Variants in PTK2B observed in about 807,000 individuals in gnomAD.
The protein encoded by PTK2B is protein tyrosine kinase 2 beta.
Under a neutral mutation model 142.9 loss-of-function variants are expected in PTK2B, and 71 were observed. That is an observed-to-expected ratio of 0.50 (90% confidence interval 0.41 to 0.61). The LOEUF (loss-of-function observed/expected upper bound fraction) is 0.61, where lower values mean the gene tolerates loss of function less well. Ranked by LOEUF, PTK2B falls within the 20% of genes least tolerant of loss-of-function variation. PTK2B has a pLI of 0.00. For synonymous variants in PTK2B, 519 were observed against 503.4 expected (o/e 1.03, Z -0.42); for missense variants, 1,105 against 1,320.4 (o/e 0.84, Z 2.53).
intron 15 of PTK2B, among the ~76,000 whole-genome samples, chr8:27,436,630 G>A (rs1810795168): frequency 6.6e-6 from 1 of 152,156 alleles, no homozygotes; most frequent in South Asian, 2.1e-4. Context: ...AAAGGGGGAG[G>A]CGGGATAAAG....
At chr8:27,420,496 A>C (rs1408657732) in intron 3 of PTK2B, among the ~76,000 whole-genome samples, 161 bp from the exon 4 acceptor site, 1 of 152,154 alleles carries the variant, frequency 6.6e-6, no homozygotes, top group Non-Finnish European at 1.5e-5. Flanking sequence ...ACCGCAGAGG[A>C]GGGAAAGAGA....
intron 4 of PTK2B, 84 bp from the exon 5 acceptor site, chr8:27,422,220 G>C: frequency 2.3e-6 from 3 of 1,329,298 alleles, no homozygotes; most frequent in Non-Finnish European, 3.1e-6. Flanking sequence ...GAGGCAGAAT[G>C]AGGCCCTTAA....
At chr8:27,400,062 G>A (rs73223480) in intron 2 of PTK2B, among the ~76,000 whole-genome samples, 10 of 152,286 alleles carry the variant, frequency 6.6e-5, no homozygotes, top group Non-Finnish European at 1.2e-4. Context: ...AGTGCAAATT[G>A]TCTTCTTTTG....
At chr8:27,392,312 T>TC (rs1193858443) in intron 1 of PTK2B, among the ~76,000 whole-genome samples, 1 of 144,602 alleles carries the variant, frequency 6.9e-6, no homozygotes, top group Non-Finnish European at 1.5e-5. Flanking sequence ...AAAGCGAGCT[T>TC]TTTTTTTTTT....
intron 24 of PTK2B, among the ~76,000 whole-genome samples, chr8:27,446,466 G>GCTCTTTGTCAC (rs1811477348): frequency 6.6e-6 from 1 of 152,292 alleles, no homozygotes; most frequent in South Asian, 2.1e-4. Flanking sequence ...TCCCTTGTCA[G>GCTCTTTGTCAC]CTCTTTGTCA....
chr8:27,348,300 C>G (rs754693901), intron 1 of PTK2B, among the ~76,000 whole-genome samples: 1 of 152,202 alleles, frequency 6.6e-6, no homozygotes, highest in Non-Finnish European at 1.5e-5. Context: ...TGTTTCCAGC[C>G]GTGCGGGAGT....
chr8:27,360,815 C>T lies in PTK2B; in HGVS notation c.-38+35134C>T, dbSNP rs12676257. On this transcript the variant is annotated intron_variant, in intron 1 of 30. Transcript: ENST00000346049. Reference sequence around the variant, plus strand: ...AAAGCCAAAACTGCATTTCTCTCGCCCTCTGGGTCTAGATGTGGGGATTTC... The same window carrying T: ...AAAGCCAAAACTGCATTTCTCTCGCTCTCTGGGTCTAGATGTGGGGATTTC... Among the ~76,000 whole-genome samples, 698 of 152,266 alleles carry T rather than the reference C, an allele frequency of 4.6e-3. 8 individuals carry two copies. The highest frequency in any genetic ancestry group is 0.038 in the East Asian group (198 of 5,186).
intron 13 of PTK2B, 117 bp downstream of exon 13, chr8:27,434,676 C>G: frequency 8.6e-7 from 1 of 1,167,710 alleles, no homozygotes; most frequent in Middle Eastern, 1.9e-4. Context: ...AAATGATCCT[C>G]TCCCATAACT....
Position 27,334,239 on chromosome 8 carries a change from G to GC in PTK2B, c.-38+8559dup, listed in dbSNP as rs781569676. On this transcript the variant is annotated intron_variant, in intron 1 of 30. Coordinates refer to ENST00000346049, the MANE Select transcript of PTK2B (RefSeq NM_173176.3). ...CGTCCTATCTCTGGTTCCCTTGGAA[G>GC]CTCCCCAATGCCTGCAGGCAAATCC... is the stretch of plus-strand genomic sequence containing the variant. Among the ~76,000 whole-genome samples, 19 of 152,192 alleles carry GC rather than the reference G, an allele frequency of 1.2e-4. No homozygotes were observed. In the East Asian group the frequency reaches 3.1e-3, roughly 25 times the overall value.
At chr8:27,435,621 C>A in intron 13 of PTK2B, 122 bp from the exon 14 acceptor site, 1 of 1,219,044 alleles carries the variant, frequency 8.2e-7, no homozygotes, top group Non-Finnish European at 1.2e-6. Context: ...CGGGACATGC[C>A]TGGCTTCTCC....
At chr8:27,344,274 C>T (rs987139623) in intron 1 of PTK2B, among the ~76,000 whole-genome samples, 4 of 152,274 alleles carry the variant, frequency 2.6e-5, no homozygotes, top group East Asian at 1.9e-4. Flanking sequence ...TGGAGAAGGA[C>T]GAATATCTGG....
At chr8:27,435,588 C>G (rs532084515) in intron 13 of PTK2B, among the ~76,000 whole-genome samples, 155 bp from the exon 14 acceptor site, 1 of 152,328 alleles carries the variant, frequency 6.6e-6, no homozygotes, top group East Asian at 1.9e-4. Flanking sequence ...TCTGTGGCCA[C>G]TCTAAAACCT....
intron 1 of PTK2B, among the ~76,000 whole-genome samples, chr8:27,388,885 C>T (rs1192385132): frequency 6.6e-6 from 1 of 152,198 alleles, no homozygotes; most frequent in Non-Finnish European, 1.5e-5. Context: ...ATCTGCTTTT[C>T]CATGGATGAT....
intron 2 of PTK2B, among the ~76,000 whole-genome samples, chr8:27,418,624 C>T (rs751803198): frequency 1.1e-4 from 16 of 152,212 alleles, no homozygotes; most frequent in East Asian, 5.8e-4. Flanking sequence ...AACAGAGATA[C>T]GTCGGTGCCT....
chr8:27,408,868 G>A (rs1219783080), intron 2 of PTK2B, among the ~76,000 whole-genome samples: 1 of 152,198 alleles, frequency 6.6e-6, no homozygotes, highest in African/African-American at 2.4e-5. Flanking sequence ...TGAAACAACA[G>A]AAAGGTATTG....
intron 1 of PTK2B, among the ~76,000 whole-genome samples, chr8:27,329,340 G>A (rs965006366): frequency 6.6e-6 from 1 of 152,182 alleles, no homozygotes; most frequent in Non-Finnish European, 1.5e-5. Context: ...ATCGTGCAGA[G>A]GACCCTGGAG....
At chr8:27,453,087 C>A (rs768608128) in intron 27 of PTK2B, 27 bp from the exon 28 acceptor site, 6 of 1,613,146 alleles carry the variant, frequency 3.7e-6, no homozygotes, top group Middle Eastern at 3.5e-4. Context: ...GAGAACTGCC[C>A]CCCACTTGCT....
At chr8:27,420,571 G>T in intron 3 of PTK2B, 86 bp from the exon 4 acceptor site, 1 of 1,282,224 alleles carries the variant, frequency 7.8e-7, no homozygotes, top group Non-Finnish European at 1.1e-6. Context: ...ACTAGGGGAT[G>T]GGCTTGCTTC....
chr8:27,339,505 G>A (rs1205590285), intron 1 of PTK2B, among the ~76,000 whole-genome samples: 16 of 152,180 alleles, frequency 1.1e-4, no homozygotes, highest in Non-Finnish European at 1.5e-5. Context: ...GGAGTTTGGG[G>A]TAAGAGAGAG....
Sources: allele counts gnomAD v4.1 joint callset (sites outside exome capture counted in the v4.1 genomes callset), GRCh38; gene constraint gnomAD v4.1.1; transcripts MANE v1.5; gene names NCBI Gene and HGNC (gene_info 2026-07-23, HGNC 2026-07-21).